MFHAS1: variants seen among roughly 807,000 people sequenced by gnomAD.
MFHAS1 encodes malignant fibrous histiocytoma-amplified sequence 1.
Under a neutral mutation model 70.4 loss-of-function variants are expected in MFHAS1, and 50 were observed. That is an observed-to-expected ratio of 0.71 (90% CI 0.57 to 0.90). MFHAS1 has a LOEUF of 0.90. MFHAS1 is among the 40% of genes least tolerant of loss of function. The pLI is 0.00. For missense variants in MFHAS1, 1,795 were observed against 1,347.6 expected (o/e 1.33, Z -5.20); for synonymous variants, 952 against 620.0 (o/e 1.54, Z -7.96).
At chr8:8,883,033 G>A (rs1327385186) in intron 1 of MFHAS1, among the ~76,000 whole-genome samples, 1 of 151,906 alleles carries the variant, frequency 6.6e-6, no homozygotes, top group Non-Finnish European at 1.5e-5. Flanking sequence ...CACCCCTGTA[G>A]TCCCAGCTAT....
At chr8:8,861,163 A>G (rs1227713857) in intron 1 of MFHAS1, among the ~76,000 whole-genome samples, 1 of 152,254 alleles carries the variant, frequency 6.6e-6, no homozygotes, top group Admixed American at 6.5e-5. Flanking sequence ...CATCTACCGA[A>G]CTGAATTAAA....
chr8:8,834,136 A>AC (rs1228253107), intron 1 of MFHAS1, among the ~76,000 whole-genome samples: 5 of 151,852 alleles, frequency 3.3e-5, no homozygotes, highest in Admixed American at 6.6e-5. Context: ...AAAAAACAAA[A>AC]AAAACAAAAC....
chr8:8,856,484 A>C (rs116667642), intron 1 of MFHAS1, among the ~76,000 whole-genome samples: 1 of 152,348 alleles, frequency 6.6e-6, no homozygotes, highest in African/African-American at 2.4e-5. Flanking sequence ...GAGTATAAAA[A>C]AGAGGGCCTG....
intron 1 of MFHAS1, among the ~76,000 whole-genome samples, chr8:8,810,281 G>A (rs1424466741): frequency 6.6e-6 from 1 of 152,182 alleles, no homozygotes; most frequent in East Asian, 1.9e-4. Flanking sequence ...CAGGAGAATC[G>A]CTTGAACCTG....
At chr8:8,817,216 T>G (rs1460390460) in intron 1 of MFHAS1, among the ~76,000 whole-genome samples, 1 of 151,406 alleles carries the variant, frequency 6.6e-6, no homozygotes, top group Non-Finnish European at 1.5e-5. Flanking sequence ...GTAACCACCA[T>G]AATAATCTCT....
chr8:8,826,100 G>GT (rs746794803), intron 1 of MFHAS1, among the ~76,000 whole-genome samples: 1 of 152,072 alleles, frequency 6.6e-6, no homozygotes, highest in Non-Finnish European at 1.5e-5. Flanking sequence ...CATATTCATT[G>GT]TTTTTTTAAA....
At chr8:8,885,523 T>C (rs954978442) in intron 1 of MFHAS1, among the ~76,000 whole-genome samples, 12 of 152,180 alleles carry the variant, frequency 7.9e-5, no homozygotes, top group African/African-American at 2.7e-4. Context: ...ACCAACTCTT[T>C]GAGTTTAGAG....
At chr8:8,803,070 C>T (rs1393122293) in intron 1 of MFHAS1, among the ~76,000 whole-genome samples, 1 of 152,124 alleles carries the variant, frequency 6.6e-6, no homozygotes, top group East Asian at 1.9e-4. Context: ...TTTGGGGATT[C>T]AAAGAGTGGT....
At chr8:8,889,027 C>G (rs1219428525) in intron 1 of MFHAS1, among the ~76,000 whole-genome samples, 1 of 117,282 alleles carries the variant, frequency 8.5e-6, no homozygotes, top group Non-Finnish European at 1.9e-5. Flanking sequence ...AAAAAAAAGT[C>G]TTCAAAAAAA....
At chr8:8,852,233 G>C (rs960921577) in intron 1 of MFHAS1, among the ~76,000 whole-genome samples, 10 of 152,138 alleles carry the variant, frequency 6.6e-5, no homozygotes, top group Admixed American at 6.6e-4. Flanking sequence ...ATCACATTTG[G>C]GAAGCCGAGG....
At chr8:8,813,913 T>C (rs1050986812) in intron 1 of MFHAS1, among the ~76,000 whole-genome samples, 2 of 151,402 alleles carry the variant, frequency 1.3e-5, no homozygotes, top group African/African-American at 4.8e-5. Context: ...GTAAGTGCCC[T>C]ACACAGGTGT....
chr8:8,829,803 C>T (rs1371905086), intron 1 of MFHAS1, among the ~76,000 whole-genome samples: 1 of 152,172 alleles, frequency 6.6e-6, no homozygotes, highest in Non-Finnish European at 1.5e-5. Flanking sequence ...GAGGGGAAGA[C>T]ACATTTCAGA....
intron 1 of MFHAS1, among the ~76,000 whole-genome samples, chr8:8,820,945 A>C (rs1806931148): frequency 6.6e-6 from 1 of 152,250 alleles, no homozygotes; most frequent in Non-Finnish European, 1.5e-5. Flanking sequence ...GAGAGAGAGA[A>C]GCTCTCAAGC....
intron 1 of MFHAS1, among the ~76,000 whole-genome samples, chr8:8,885,297 C>A (rs578070933): frequency 9.6e-6 from 1 of 103,950 alleles, no homozygotes; most frequent in African/African-American, 4.2e-5. Context: ...TTGCTTTCTC[C>A]TTATTTTTTA....
chr8:8,888,167 T>A (rs1476517335), intron 1 of MFHAS1, among the ~76,000 whole-genome samples: 2 of 152,210 alleles, frequency 1.3e-5, no homozygotes, highest in African/African-American at 4.8e-5. Flanking sequence ...AGATTCCAGA[T>A]AAACATACAG....
intron 1 of MFHAS1, among the ~76,000 whole-genome samples, chr8:8,829,795 G>A (rs1401022137): frequency 6.6e-6 from 1 of 152,164 alleles, no homozygotes; most frequent in Non-Finnish European, 1.5e-5. Context: ...CTAGAAGGGA[G>A]GGGAAGACAC....
At chr8:8,836,501 C>T (rs1807600093) in intron 1 of MFHAS1, among the ~76,000 whole-genome samples, 1 of 152,132 alleles carries the variant, frequency 6.6e-6, no homozygotes, top group South Asian at 2.1e-4. Flanking sequence ...ACCTCAGCCT[C>T]CAAAAAGCTG....
intron 1 of MFHAS1, among the ~76,000 whole-genome samples, chr8:8,856,980 G>GAAAAA (rs59496543): frequency 1.1e-4 from 6 of 53,366 alleles, no homozygotes; most frequent in Non-Finnish European, 1.7e-4. Context: ...TCAGGAAAGT[G>GAAAAA]AAAAAAAAAA....
chr8:8,884,041 AACAC>A (rs10660555), intron 1 of MFHAS1, among the ~76,000 whole-genome samples: 1,783 of 134,124 alleles, frequency 0.013, 13 homozygotes, highest in Middle Eastern at 0.018. Context: ...CTATTTCACA[AACAC>A]ACACACACAC....
Sources: gnomAD v4.1 joint callset for allele counts (sites outside exome capture counted in the v4.1 genomes callset) on GRCh38, gnomAD v4.1.1 for gene constraint, MANE v1.5 for transcripts, NCBI Gene and HGNC (gene_info 2026-07-23, HGNC 2026-07-21) for gene names.